Variants in NIPAL3 observed in about 807,000 individuals in gnomAD.
NIPAL3 encodes NIPA like domain containing 3, also known as NIPA-like protein 3.
NIPAL3 carries 41 observed loss-of-function variants against 47.2 expected under a neutral mutation model. That is an observed-to-expected ratio of 0.87 (90% CI 0.68 to 1.13). NIPAL3 has a LOEUF of 1.13. Among genes scored for constraint, NIPAL3 ranks in the 50% most tolerant of loss-of-function variants. The probability of loss-of-function intolerance (pLI) is 0.00; values close to 1 mark genes in which losing one functional copy is unlikely to be tolerated. For synonymous variants in NIPAL3, 194 were observed against 209.6 expected, an observed-to-expected ratio of 0.93 and a Z score of 0.64; for missense variants, 449 against 530.1, an observed-to-expected ratio of 0.85 and a Z score of 1.50.
At chr1:24,419,177 C>A in intron 1 of NIPAL3, 114 bp from the exon 2 acceptor site, 1 of 402,398 alleles carries the variant, frequency 2.5e-6, no homozygotes, top group Non-Finnish European at 3.4e-6. Flanking sequence ...TTAATGGACT[C>A]ACTTGTCATG....
chr1:24,468,964 G>A (rs756586096), intron 11 of NIPAL3, 22 bp from the exon 12 acceptor site: 1 of 1,612,724 alleles, frequency 6.2e-7, no homozygotes, highest in Non-Finnish European at 8.5e-7. Context: ...TAATGATTTG[G>A]AGAAAATGGA....
chr1:24,430,251 C>CT (rs1162142300), intron 2 of NIPAL3, among the ~76,000 whole-genome samples: 4 of 140,812 alleles, frequency 2.8e-5, no homozygotes, highest in Admixed American at 7.0e-5. Flanking sequence ...TTTTTTTTTC[C>CT]TTTTTTTTGA....
chr1:24,452,266 C>T (rs1645973041), intron 6 of NIPAL3, among the ~76,000 whole-genome samples: 1 of 152,126 alleles, frequency 6.6e-6, no homozygotes, highest in Non-Finnish European at 1.5e-5. Context: ...GACTTGCCAT[C>T]GTCTAGTGGT....
chr1:24,422,590 G>C (rs556511691), intron 2 of NIPAL3, among the ~76,000 whole-genome samples: 1 of 152,124 alleles, frequency 6.6e-6, no homozygotes. Flanking sequence ...AACCCAGAAC[G>C]TGCATTTTGT....
chr1:24,464,350 A>C (rs966285220), intron 11 of NIPAL3: 1 of 331,984 alleles, frequency 3.0e-6, no homozygotes, highest in Admixed American at 4.8e-5. Flanking sequence ...GGGATCTTTT[A>C]AATAAAATTC....
chr1:24,435,963 C>A (rs1433182351), intron 2 of NIPAL3, among the ~76,000 whole-genome samples: 1 of 152,192 alleles, frequency 6.6e-6, no homozygotes, highest in Non-Finnish European at 1.5e-5. Flanking sequence ...GGCGCGCCAC[C>A]TCAGACGGCA....
intron 8 of NIPAL3, chr1:24,457,743 G>A (rs1570359399): frequency 1.9e-6 from 1 of 533,326 alleles, no homozygotes; most frequent in Non-Finnish European, 3.8e-6. Context: ...GCTTCTCCAA[G>A]ACAGATTCTT....
rs1644204369 is a variant in NIPAL3 at position 24,419,297 on chromosome 1, G to A, written c.-251G>A. On this transcript the variant is annotated 5_prime_UTR_variant, in exon 2 of 12. Transcript: ENST00000374399. ...TTCCTCTCCACCACCCTAGAGCACC[G>A]CAAGAACTGGAAAACACACCCCTCT... is the stretch of plus-strand genomic sequence containing the variant. The A allele has an allele frequency of 1.9e-5, 23 of 1,201,516 alleles. No homozygotes were observed. Among genetic ancestry groups the A allele is most frequent in the Non-Finnish European group, 2.2e-5 (21 of 967,538 alleles). 74.4% of individuals were successfully genotyped at this position (1,201,516 alleles called of 1,614,324 possible).
rs1439835369 is a variant in NIPAL3 at position 24,449,506 on chromosome 1, C to G, written c.420C>G (p.Gly140=). Residue 140 remains glycine (G), a synonymous_variant, in exon 6 of 12, where the codon GGC becomes GGG. Transcript: ENST00000374399. The surrounding 1 kb of genome is among the most constrained non-coding windows in gnomAD (Gnocchi z 4.5). ...FLRRYVLSFV[G]CGLAVVGTYL... The stretch of plus-strand genomic sequence containing the variant: ...GGCGCTACGTCTTGTCCTTTGTTGG[C>G]TGCGGTTTGGCTGTCGTGGGTACCT... 1 of 1,613,824 alleles carries G rather than the reference C, an allele frequency of 6.2e-7. No homozygotes were observed. Among genetic ancestry groups the G allele is most frequent in the Admixed American group, 1.7e-5 (1 of 60,016 alleles).
At chr1:24,433,489 T>C (rs1245691880) in intron 2 of NIPAL3, among the ~76,000 whole-genome samples, 1 of 152,226 alleles carries the variant, frequency 6.6e-6, no homozygotes, top group African/African-American at 2.4e-5. Context: ...ATTTTAGCTA[T>C]AGTCCTTCCA....
chr1:24,427,791 A>G (rs1306025480), intron 2 of NIPAL3, among the ~76,000 whole-genome samples: 1 of 152,202 alleles, frequency 6.6e-6, no homozygotes, highest in Non-Finnish European at 1.5e-5. Context: ...CTTTATTATC[A>G]TAGTAACTAT....
At chr1:24,431,571 T>G (rs771652087) in intron 2 of NIPAL3, among the ~76,000 whole-genome samples, 1 of 152,178 alleles carries the variant, frequency 6.6e-6, no homozygotes, top group Non-Finnish European at 1.5e-5. Context: ...ATAATTTCTC[T>G]TTTAGAAACA....
chr1:24,420,483 T>C (rs1644276522), intron 2 of NIPAL3, among the ~76,000 whole-genome samples: 1 of 151,962 alleles, frequency 6.6e-6, no homozygotes, highest in African/African-American at 2.4e-5. Context: ...CTAGCCTGGG[T>C]GACAGAGCAA....
At chr1:24,442,262 C>T in intron 4 of NIPAL3, 36 bp downstream of exon 4, 1 of 1,598,584 alleles carries the variant, frequency 6.3e-7, no homozygotes, top group South Asian at 1.1e-5. Context: ...CCCTGGGGTG[C>T]TCCCAGCTGC....
chr1:24,468,490 A>G (rs550331967), intron 11 of NIPAL3, among the ~76,000 whole-genome samples: 2 of 152,302 alleles, frequency 1.3e-5, no homozygotes, highest in South Asian at 2.1e-4. Context: ...ACCTTCCCCT[A>G]TAAGTGGACC....
chr1:24,459,068 C>G, intron 9 of NIPAL3, 92 bp downstream of exon 9: 1 of 1,097,244 alleles, frequency 9.1e-7, no homozygotes, highest in Middle Eastern at 2.4e-4. Flanking sequence ...CTGACTTGTT[C>G]TCCCCGTAGA....
At chr1:24,439,436 G>A (rs1451441521) in intron 2 of NIPAL3, among the ~76,000 whole-genome samples, 1 of 152,072 alleles carries the variant, frequency 6.6e-6, no homozygotes, top group Non-Finnish European at 1.5e-5. Context: ...TAAATTTATG[G>A]ACAGAAAAAT....
chr1:24,461,799 G>A lies in NIPAL3; in HGVS notation c.926+1255G>A, dbSNP rs192420871. ...CAGGAGAATCACTTGAACCTGGGAG[G>A]TGGAGGTTGCAGTGAGCTGAGATCA... On this transcript the variant is annotated intron_variant, in intron 10 of 11. Coordinates refer to ENST00000374399, the MANE Select transcript of NIPAL3 (RefSeq NM_020448.5). Among the ~76,000 whole-genome samples the A allele has an allele frequency of 6.1e-4, 93 of 152,144 alleles. 1 individual carries two copies. Among genetic ancestry groups the A allele is most frequent in the Middle Eastern group, 6.8e-3 (2 of 294 alleles).
rs2148874036 is a variant in NIPAL3 at position 24,470,920 on chromosome 1, A to C, written c.*1735A>C. On this transcript the variant is annotated 3_prime_UTR_variant, in exon 12 of 12. Transcript: ENST00000374399. ...ATTTATAAGGCATTTACTGTGTGCT[A>C]AGCATTTGGAAGACCCAGGCTACAA... The C allele has an allele frequency of 6.6e-6, 1 of 152,342 alleles. No individual in the cohort carries two copies. The highest frequency in any genetic ancestry group is 1.9e-4 in the East Asian group (1 of 5,182). 9.4% of individuals were successfully genotyped at this position (152,342 alleles called of 1,614,324 possible). A position where few individuals can be genotyped will look rare whatever the true frequency, so the allele number is the denominator to read the frequency against.
Sources: gnomAD v4.1 joint callset for allele counts (sites outside exome capture counted in the v4.1 genomes callset) on GRCh38, gnomAD v4.1.1 for gene constraint, Gnocchi (gnomAD v3.1) non-coding constraint, MANE v1.5 for transcripts, NCBI Gene and HGNC (gene_info 2026-07-23, HGNC 2026-07-21) for gene names.